TINAGL1: variants seen among roughly 807,000 people sequenced by gnomAD.
TINAGL1 encodes the protein tubulointerstitial nephritis antigen-like.
Under a neutral mutation model 62.0 loss-of-function variants are expected in TINAGL1, and 34 were observed. That is an observed-to-expected ratio of 0.55 (90% CI 0.42 to 0.73). The LOEUF is 0.73. Among genes scored for constraint, TINAGL1 ranks in the 30% least tolerant of loss-of-function variants. The pLI is 0.00. For synonymous variants in TINAGL1, 221 were observed against 249.7 expected (o/e 0.88, Z 1.08); for missense variants, 516 against 653.2 (o/e 0.79, Z 2.29).
At chr1:31,578,899 A>G (rs1570196065) in intron 2 of TINAGL1, among the ~76,000 whole-genome samples, 3 of 7,600 alleles carry the variant, frequency 3.9e-4, no homozygotes, top group Admixed American at 2.8e-3. Context: ...TGTGTGTGTG[A>G]TATCTTCAGT....
chr1:31,579,343 A>C, intron 3 of TINAGL1, 76 bp downstream of exon 3: 1 of 1,351,022 alleles, frequency 7.4e-7, no homozygotes, highest in Non-Finnish European at 1.1e-6. Context: ...CTTATCCCTG[A>C]CCCCTTTTGC....
rs540631388 is a variant in TINAGL1 at position 31,584,712 on chromosome 1, C to G, written c.617C>G (p.Ala206Gly). 1.4e-5 allele frequency: 22 copies of G among 1,614,102 alleles called. No homozygotes were observed. The South Asian group carries it at 2.4e-4, about 18-fold the overall frequency. ...AACCCAGGGGAGGTGCTTCCCACAG[C>G]CTTCGAGGCCTCTGAGAAGTGGCCC... The part of the protein sequence containing the change: ...VLNPGEVLPT[A>G]FEASEKWPNL... The change falls in exon 6 of 12, where the codon GCC becomes GGC. Residue 206 changes from alanine (A) to glycine (G), a missense_variant. Ala to Gly is a moderately conservative substitution (Grantham distance 60). Transcript: ENST00000271064. This position sits in a 1 kb window ranked among gnomAD's most constrained non-coding sequence, Gnocchi z 4.0.
Position 31,585,611 on chromosome 1 carries a change from C to G in TINAGL1, c.1093+126C>G. On this transcript the variant is annotated intron_variant, in intron 9 of 11. Transcript: ENST00000271064. The surrounding 1 kb of genome is among the most constrained non-coding windows in gnomAD (Gnocchi z 4.3). ...AGTAGGGCCAGGAGTAGGGGTCCCCCCCTCCCACAGGCAGCACCTGGAGGG... is the reference window on the plus strand; with the variant it reads ...AGTAGGGCCAGGAGTAGGGGTCCCCGCCTCCCACAGGCAGCACCTGGAGGG... The G allele has an allele frequency of 7.2e-6, 11 of 1,533,936 alleles. No individual in the cohort carries two copies. The South Asian group carries it at 1.3e-4, about 18-fold the overall frequency.
chr1:31,580,365 A>G (rs1639210671), intron 3 of TINAGL1: 2 of 1,287,344 alleles, frequency 1.6e-6, no homozygotes, highest in African/African-American at 1.5e-5. Context: ...GCAAAGGAGG[A>G]GATGGCAGGA....
At position 31,583,609 on chromosome 1, in the gene TINAGL1, C is replaced by A. The variant is rs778966184; in HGVS notation, c.582+34C>A. 7.7e-6 allele frequency: 12 copies of A among 1,554,424 alleles called. No individual in the cohort carries two copies. The highest frequency in any genetic ancestry group is 9.6e-6 in the Non-Finnish European group (11 of 1,139,998). Reference sequence around the variant, plus strand: ...ATCCTTCCCCACAATGCTGCCATCTCCCCATGGCTCAGAACCTCAGGGATG... The same window carrying A: ...ATCCTTCCCCACAATGCTGCCATCTACCCATGGCTCAGAACCTCAGGGATG... On this transcript the variant is annotated intron_variant, in intron 5 of 11. Transcript: ENST00000271064. The surrounding 1 kb of genome is among the most constrained non-coding windows in gnomAD (Gnocchi z 4.4).
intron 2 of TINAGL1, 28 bp from the exon 3 acceptor site, chr1:31,579,176 C>G: frequency 6.2e-7 from 1 of 1,604,100 alleles, no homozygotes; most frequent in Non-Finnish European, 8.5e-7. Flanking sequence ...GGTTCTGGTT[C>G]CACTTCTCTT....
chr1:31,585,164 C>A lies in TINAGL1; in HGVS notation c.871C>A (p.His291Asn), dbSNP rs1185080959. Reference protein sequence around the residue: ...FLRRRGVVSDHCYPFSGRERD... With the variant: ...FLRRRGVVSDNCYPFSGRERD... ...CTGCCTTTGCAGGGTGGTGTCTGACCACTGCTACCCCTTCTCGGGCCGTGA... is the reference window on the plus strand; with the variant it reads ...CTGCCTTTGCAGGGTGGTGTCTGACAACTGCTACCCCTTCTCGGGCCGTGA... Residue 291 changes from histidine to asparagine, a missense_variant, in exon 8 of 12, where the codon CAC becomes AAC. Physicochemically the swap from His to Asn is moderately conservative, Grantham distance 68 (BLOSUM62 1). Transcript: ENST00000271064. This position sits in a 1 kb window ranked among gnomAD's most constrained non-coding sequence, Gnocchi z 4.3. 5.1e-6 allele frequency: 8 copies of A among 1,580,084 alleles called. No individual in the cohort carries two copies. Among genetic ancestry groups the A allele is most frequent in the Non-Finnish European group, 6.0e-6 (7 of 1,161,072 alleles).
Position 31,584,026 on chromosome 1 carries a change from G to A in TINAGL1, c.582+451G>A, listed in dbSNP as rs1477567124. ...TTCCCACCAGTGGGACCCTCTGGGA[G>A]AGGAATGAAAACCAGGCCCAAAGTG... On this transcript the variant is annotated intron_variant, in intron 5 of 11. Coordinates refer to ENST00000271064, the MANE Select transcript of TINAGL1 (RefSeq NM_022164.3). This position sits in a 1 kb window ranked among gnomAD's most constrained non-coding sequence, Gnocchi z 4.0. The A allele has an allele frequency of 5.9e-6, 1 of 170,418 alleles. No individual in the cohort carries two copies. The highest frequency in any genetic ancestry group is 5.5e-5 in the Admixed American group (1 of 18,170). 10.6% of individuals were successfully genotyped at this position (170,418 alleles called of 1,614,324 possible).
intron 3 of TINAGL1, chr1:31,580,660 T>C: frequency 1.6e-6 from 2 of 1,288,806 alleles, no homozygotes; most frequent in Non-Finnish European, 2.0e-6. Context: ...TGAGGCTCCT[T>C]AAAAGGCAAC....
intron 3 of TINAGL1, among the ~76,000 whole-genome samples, chr1:31,581,197 C>T (rs1176159236): frequency 6.8e-6 from 1 of 146,526 alleles, no homozygotes; most frequent in African/African-American, 2.5e-5. Flanking sequence ...CAGGATTCTG[C>T]ATTTTGTTTG....
In TINAGL1 at chr1:31,581,122, T is replaced by A. The variant is rs534628437; in HGVS notation, c.374+1855T>A. ...TGACTGAGCTCATTTTAGCTGGAGC[T>A]GGGGTAGGGGAGAGACGTCCCAAGG... On this transcript the variant is annotated intron_variant, in intron 3 of 11. Transcript: ENST00000271064. Among the ~76,000 whole-genome samples the A allele has an allele frequency of 2.0e-5, 3 of 152,222 alleles. No individual in the cohort carries two copies. The East Asian group carries it at 5.8e-4, about 29-fold the overall frequency.
At position 31,585,610 on chromosome 1, in the gene TINAGL1, C is replaced by T. The variant is rs1639370421; in HGVS notation, c.1093+125C>T. 1.3e-6 allele frequency: 2 copies of T among 1,534,702 alleles called. No individual in the cohort carries two copies. The highest frequency in any genetic ancestry group is 2.5e-5 in the South Asian group (2 of 79,622). ...CAGTAGGGCCAGGAGTAGGGGTCCC[C>T]CCCTCCCACAGGCAGCACCTGGAGG... On this transcript the variant is annotated intron_variant, in intron 9 of 11. Coordinates refer to ENST00000271064, the MANE Select transcript of TINAGL1 (RefSeq NM_022164.3). The surrounding 1 kb of genome is among the most constrained non-coding windows in gnomAD (Gnocchi z 4.3).
At position 31,577,648 on chromosome 1, in the gene TINAGL1, T is replaced by G. The variant is rs1639025552; in HGVS notation, c.310+190T>G. On this transcript the variant is annotated intron_variant, in intron 2 of 11. Transcript: ENST00000271064. This position sits in a 1 kb window ranked among gnomAD's most constrained non-coding sequence, Gnocchi z 5.4. ...GAAGCTCCTTGGTTAGAATTCTAAT[T>G]TGGCCCAGGGAAAGGGCAACCTCCC... 1 of 677,454 alleles carries G rather than the reference T, an allele frequency of 1.5e-6. No homozygotes were observed. The allele number at this position is 677,454 out of a possible 1,614,324, so 42.0% of individuals were successfully genotyped here.
At chr1:31,580,207 C>CTG (rs1639196196) in intron 3 of TINAGL1, 5 of 523,024 alleles carry the variant, frequency 9.6e-6, no homozygotes, top group East Asian at 1.8e-4. Context: ...CTCTCTCTCT[C>CTG]TCTCTGTCTC....
rs367642921 is a variant in TINAGL1, at chr1:31,576,796, G to C, written c.-16+201G>C. 1.5e-3 allele frequency among the ~76,000 whole-genome samples: 227 copies of C among 152,282 alleles called. 2 individuals are homozygous for C. In the South Asian group the frequency reaches 0.016, roughly 11 times the overall value. On this transcript the variant is annotated intron_variant, in intron 1 of 11. Coordinates refer to ENST00000271064, the MANE Select transcript of TINAGL1 (RefSeq NM_022164.3). The surrounding 1 kb of genome is among the most constrained non-coding windows in gnomAD (Gnocchi z 5.1). ...AAGTCAAGGACCCAGGTCAGGGATGGAGGCTGCTGGAGGGCAGAGAGACCT... is the reference window on the plus strand; with the variant it reads ...AAGTCAAGGACCCAGGTCAGGGATGCAGGCTGCTGGAGGGCAGAGAGACCT...
chr1:31,580,679 T>C (rs1295730172), intron 3 of TINAGL1: 14 of 1,287,260 alleles, frequency 1.1e-5, no homozygotes, highest in African/African-American at 3.0e-5. Flanking sequence ...ACATTGGAGG[T>C]GGGAGCCTTG....
rs1299559681 is a variant in TINAGL1, at chr1:31,576,531, C to CGGTCG, written c.-79_-75dup. On this transcript the variant is annotated 5_prime_UTR_variant, in exon 1 of 12. Transcript: ENST00000271064. This position sits in a 1 kb window ranked among gnomAD's most constrained non-coding sequence, Gnocchi z 5.1. ...TCCTCTCTTGACTTTGAGCGTCCGG[C>CGGTCG]GGTCGCAGAGCCAGGAGGCGGAGGC... is the stretch of plus-strand genomic sequence containing the variant. 1 of 152,256 alleles carries CGGTCG rather than the reference C, an allele frequency of 6.6e-6. No individual in the cohort carries two copies. The highest frequency in any genetic ancestry group is 1.5e-5 in the Non-Finnish European group (1 of 68,112). The allele number at this position is 152,256 out of a possible 1,614,324, so 9.4% of individuals were successfully genotyped here. A position where few individuals can be genotyped will look rare whatever the true frequency, so the allele number is the denominator to read the frequency against.
chr1:31,583,860 T>C lies in TINAGL1; in HGVS notation c.582+285T>C, dbSNP rs1333837855. 5.0e-6 allele frequency: 2 copies of C among 398,146 alleles called. No individual in the cohort carries two copies. The highest frequency in any genetic ancestry group is 3.8e-5 in the Admixed American group (1 of 26,482). 24.7% of individuals were successfully genotyped at this position (398,146 alleles called of 1,614,324 possible). On this transcript the variant is annotated intron_variant, in intron 5 of 11. Coordinates refer to ENST00000271064, the MANE Select transcript of TINAGL1 (RefSeq NM_022164.3). The surrounding 1 kb of genome is among the most constrained non-coding windows in gnomAD (Gnocchi z 4.4). Reference sequence around the variant, plus strand: ...GCTGTTGGTCTCAGTACAGCTGGGTTAGGGCCCAAGGGGACAGGGGGTCAC... The same window carrying C: ...GCTGTTGGTCTCAGTACAGCTGGGTCAGGGCCCAAGGGGACAGGGGGTCAC...
At position 31,587,131 on chromosome 1, in the gene TINAGL1, C is replaced by T. The variant is rs879525714; in HGVS notation, c.*152C>T. ...AATCCCGGCGCGGGTTCCGCTGACG[C>T]AGCGCCCCGCCTGGGAGCCGCGGGC... is the stretch of plus-strand genomic sequence containing the variant. On this transcript the variant is annotated 3_prime_UTR_variant, in exon 12 of 12. Transcript: ENST00000271064. 3.8e-5 allele frequency: 45 copies of T among 1,192,412 alleles called. No homozygotes were observed. The highest frequency in any genetic ancestry group is 4.5e-5 in the Non-Finnish European group (42 of 935,810). 73.9% of individuals were successfully genotyped at this position (1,192,412 alleles called of 1,614,324 possible).
Sources: gnomAD v4.1 joint callset for allele counts (sites outside exome capture counted in the v4.1 genomes callset) on GRCh38, gnomAD v4.1.1 for gene constraint, Gnocchi (gnomAD v3.1) non-coding constraint, MANE v1.5 for transcripts, NCBI Gene and HGNC (gene_info 2026-07-23, HGNC 2026-07-21) for gene names.